CDH8: variants seen among roughly 807,000 people sequenced by gnomAD.
The protein encoded by CDH8 is cadherin 8.
A neutral mutation model predicts 68.1 loss-of-function variants in CDH8; 17 were observed. That is an observed-to-expected ratio of 0.25 (90% CI 0.17 to 0.37). The LOEUF is 0.37. CDH8 is among the 10% of genes least tolerant of loss of function. CDH8 has a pLI of 1.00. For missense variants in CDH8, 763 were observed against 999.3 expected (o/e 0.76, Z 3.19); for synonymous variants, 372 against 365.1 (o/e 1.02, Z -0.21).
chr16:61,955,765 C>G (rs1964978110), intron 2 of CDH8, among the ~76,000 whole-genome samples: 1 of 152,124 alleles, frequency 6.6e-6, no homozygotes, highest in Non-Finnish European at 1.5e-5. Flanking sequence ...ATTACAGTGC[C>G]TAGTATCTTG....
chr16:61,730,643 C>A (rs1015832436), intron 8 of CDH8, among the ~76,000 whole-genome samples: 1 of 151,528 alleles, frequency 6.6e-6, no homozygotes, highest in Non-Finnish European at 1.5e-5. Flanking sequence ...CGCAAGTGTA[C>A]TAAATTAATT....
intron 10 of CDH8, among the ~76,000 whole-genome samples, chr16:61,675,103 A>G (rs1963876057): frequency 1.3e-5 from 2 of 152,134 alleles, no homozygotes; most frequent in Non-Finnish European, 2.9e-5. Flanking sequence ...AATAGGTTAA[A>G]GGAAGTTATT....
At chr16:61,838,251 GCCT>G (rs1282501449) in intron 4 of CDH8, among the ~76,000 whole-genome samples, 1 of 151,886 alleles carries the variant, frequency 6.6e-6, no homozygotes, top group Non-Finnish European at 1.5e-5. Context: ...ATTCTCCACT[GCCT>G]CCTTGCAATA....
At chr16:61,866,676 C>G (rs1963261196) in intron 3 of CDH8, among the ~76,000 whole-genome samples, 1 of 151,936 alleles carries the variant, frequency 6.6e-6, no homozygotes, top group Admixed American at 6.6e-5. Flanking sequence ...TGACTTAACA[C>G]CCTTACACAG....
At chr16:61,854,129 T>TACACACAC (rs3069985) in intron 4 of CDH8, among the ~76,000 whole-genome samples, 1 of 145,626 alleles carries the variant, frequency 6.9e-6, no homozygotes, top group Non-Finnish European at 1.5e-5. Flanking sequence ...CATATACACA[T>TACACACAC]ACACACACAC....
At chr16:61,782,479 G>A (rs1228161569) in intron 8 of CDH8, among the ~76,000 whole-genome samples, 2 of 152,130 alleles carry the variant, frequency 1.3e-5, no homozygotes, top group Non-Finnish European at 2.9e-5. Context: ...AGCAGTCTGA[G>A]ATCAAACTGC....
At chr16:62,004,591 T>C (rs1164836473) in intron 2 of CDH8, among the ~76,000 whole-genome samples, 1 of 150,784 alleles carries the variant, frequency 6.6e-6, no homozygotes, top group East Asian at 1.9e-4. Context: ...TTCAGAAATG[T>C]ATCCTAATCA....
At chr16:61,676,054 T>C (rs1963901362) in intron 10 of CDH8, among the ~76,000 whole-genome samples, 1 of 147,042 alleles carries the variant, frequency 6.8e-6, no homozygotes, top group Non-Finnish European at 1.5e-5. Flanking sequence ...AAATATTACA[T>C]AAAAATAAAT....
intron 2 of CDH8, among the ~76,000 whole-genome samples, chr16:62,019,866 G>A (rs1208867943): frequency 6.6e-6 from 1 of 152,074 alleles, no homozygotes; most frequent in Non-Finnish European, 1.5e-5. Context: ...TTATAATAGT[G>A]TTCAACAGAC....
intron 8 of CDH8, among the ~76,000 whole-genome samples, chr16:61,777,708 C>T (rs1186402561): frequency 6.6e-6 from 1 of 152,106 alleles, no homozygotes; most frequent in South Asian, 2.1e-4. Context: ...AAATCTACTG[C>T]TACCTACGTT....
Position 61,857,230 on chromosome 16 carries a change from C to G in CDH8, c.556G>C (p.Val186Leu). ...GCGTCGGTCGCAGTGACGTTAGTGA[C>G]AGATGTACCTAATAAAATAGAGAAA... ...VPEMSILGTS[V>L]TNVTATDADD... Residue 186 changes from valine (V) to leucine (L), a missense_variant, in exon 4 of 12, where the codon GTC becomes CTC. Physicochemically the swap from Val to Leu is conservative, Grantham distance 32 (BLOSUM62 1). This residue lies in a region of CDH8 where 366 missense variants were observed against 563.1 expected (regional missense o/e 0.65). Coordinates refer to ENST00000577390, the MANE Select transcript of CDH8 (RefSeq NM_001796.5). The G allele has an allele frequency of 2.5e-6, 4 of 1,612,040 alleles. No individual in the cohort carries two copies. Among genetic ancestry groups the G allele is most frequent in the Non-Finnish European group, 3.4e-6 (4 of 1,178,462 alleles).
rs1203738111 is a variant in CDH8 at position 61,960,303 on chromosome 16, G to A, written c.253-58830C>T. ...TATACACACATATATACGTGTGTGT[G>A]TATACACACATATATACGTGTGTGT... On this transcript the variant is annotated intron_variant, in intron 2 of 11. Transcript: ENST00000577390. 6.6e-5 allele frequency among the ~76,000 whole-genome samples: 6 copies of A among 90,430 alleles called. 2 individuals are homozygous for A. Among genetic ancestry groups the A allele is most frequent in the Non-Finnish European group, 1.2e-4 (6 of 51,494 alleles). The allele number at this position is 90,430 out of a possible 152,430, so 59.3% of individuals were successfully genotyped here. A position where few individuals can be genotyped will look rare whatever the true frequency, so the allele number is the denominator to read the frequency against.
chr16:61,776,653 A>G lies in CDH8; in HGVS notation c.1414+12693T>C, dbSNP rs558882865. ...TGGGTAGTTTTGCTTGATGACAAAC[A>G]TGGTCACTTTTTGGCAAATTCTTTT... On this transcript the variant is annotated intron_variant, in intron 8 of 11. Transcript: ENST00000577390. 3.2e-4 allele frequency among the ~76,000 whole-genome samples: 48 copies of G among 152,256 alleles called. 2 individuals are homozygous for G. The South Asian group carries it at 9.1e-3, about 29-fold the overall frequency.
At chr16:62,033,925 A>C (rs563491184) in intron 1 of CDH8, among the ~76,000 whole-genome samples, 1 of 152,184 alleles carries the variant, frequency 6.6e-6, no homozygotes, top group Non-Finnish European at 1.5e-5. Flanking sequence ...TGAAATGACT[A>C]TGTGACAGCG....
intron 1 of CDH8, among the ~76,000 whole-genome samples, chr16:62,034,525 T>TC (rs1189421539): frequency 2.0e-5 from 3 of 151,992 alleles, no homozygotes; most frequent in Non-Finnish European, 4.4e-5. Context: ...CCAGCCCCCA[T>TC]CCCTCGGATC....
At chr16:61,843,359 A>T (rs1962728719) in intron 4 of CDH8, among the ~76,000 whole-genome samples, 1 of 152,204 alleles carries the variant, frequency 6.6e-6, no homozygotes, top group Non-Finnish European at 1.5e-5. Context: ...GCTGAGTGAA[A>T]ATCATGTATG....
At chr16:61,965,063 C>T (rs1965223374) in intron 2 of CDH8, among the ~76,000 whole-genome samples, 1 of 152,054 alleles carries the variant, frequency 6.6e-6, no homozygotes. Context: ...ATTTCTTTTT[C>T]TCCCACATCT....
intron 3 of CDH8, among the ~76,000 whole-genome samples, chr16:61,893,503 A>G (rs1963814855): frequency 6.6e-6 from 1 of 151,936 alleles, no homozygotes; most frequent in Non-Finnish European, 1.5e-5. Context: ...GGGAACACTG[A>G]CATCCTAATA....
intron 10 of CDH8, among the ~76,000 whole-genome samples, chr16:61,706,832 A>G (rs545048458): frequency 6.6e-6 from 1 of 152,294 alleles, no homozygotes; most frequent in African/African-American, 2.4e-5. Flanking sequence ...ATTTGCTAAG[A>G]TACTCCTGGC....
Sources: allele counts gnomAD v4.1 joint callset (sites outside exome capture counted in the v4.1 genomes callset), GRCh38; gene constraint gnomAD v4.1.1; regional missense constraint gnomAD v4.1.1; transcripts MANE v1.5; gene names NCBI Gene and HGNC (gene_info 2026-07-23, HGNC 2026-07-21).